The following PTPRD variants were observed in gnomAD, a reference collection of about 807,000 sequenced individuals.
The protein encoded by PTPRD is protein tyrosine phosphatase receptor type D, also known as receptor-type tyrosine-protein phosphatase delta.
In PTPRD, 34 loss-of-function variants were observed where a neutral mutation model predicts 214.5. That is an observed-to-expected ratio of 0.16 (90% CI 0.12 to 0.21). The LOEUF is 0.21. Among genes scored for constraint, PTPRD ranks in the 10% least tolerant of loss-of-function variants. PTPRD has a pLI of 1.00. For synonymous variants in PTPRD, 1,128 were observed against 845.7 expected (o/e 1.33, Z -5.79); for missense variants, 2,545 against 2,398.7 (o/e 1.06, Z -1.27).
At chr9:8,539,294 A>C (rs1383547786) in intron 14 of PTPRD, among the ~76,000 whole-genome samples, 2 of 151,924 alleles carry the variant, frequency 1.3e-5, no homozygotes, top group Non-Finnish European at 2.9e-5. Flanking sequence ...AATGATAGGG[A>C]AAGTCTTAAG....
intron 25 of PTPRD, 34 bp downstream of exon 25, chr9:8,499,613 A>AT: frequency 6.3e-7 from 1 of 1,580,228 alleles, no homozygotes; most frequent in Non-Finnish European, 8.6e-7. Context: ...AACTTATTAT[A>AT]TAAAAACAGA....
In PTPRD at chr9:10,302,310, A is replaced by G. The variant is rs539664484; in HGVS notation, c.-545+38653T>C. On this transcript the variant is annotated intron_variant, in intron 3 of 45. Transcript: ENST00000381196. ...ACAACTGGTACCAGCCACTGCAAAA[A>G]CATACCAAATTGTAAAGACCATCGA... is the stretch of plus-strand genomic sequence containing the variant. 1.4e-4 allele frequency among the ~76,000 whole-genome samples: 21 copies of G among 152,326 alleles called. 1 individual carries two copies. Among genetic ancestry groups the G allele is most frequent in the African/African-American group, 4.8e-4 (20 of 41,574 alleles).
rs114402224 is a variant in PTPRD at position 9,993,596 on chromosome 9, A to G, written c.-472+40122T>C. Reference sequence around the variant, plus strand: ...ATTTTATATATAATTTAGAAACAAAAAATTGCTCTGTGACGCTGGAAGTAA... The same window carrying G: ...ATTTTATATATAATTTAGAAACAAAGAATTGCTCTGTGACGCTGGAAGTAA... On this transcript the variant is annotated intron_variant, in intron 4 of 45. Coordinates refer to ENST00000381196, the MANE Select transcript of PTPRD (RefSeq NM_002839.4). Among the ~76,000 whole-genome samples, 1,274 of 152,250 alleles carry G rather than the reference A, an allele frequency of 8.4e-3. 10 individuals carry two copies. Among genetic ancestry groups the G allele is most frequent in the African/African-American group, 0.028 (1,183 of 41,524 alleles).
intron 2 of PTPRD, among the ~76,000 whole-genome samples, chr9:10,343,994 T>G (rs2097005146): frequency 7.1e-6 from 1 of 140,916 alleles, no homozygotes; most frequent in African/African-American, 2.6e-5. Flanking sequence ...TTTTTTTTTT[T>G]TTTTTTTTTT....
chr9:9,115,515 T>C (rs1162884023), intron 10 of PTPRD, among the ~76,000 whole-genome samples: 4 of 152,188 alleles, frequency 2.6e-5, no homozygotes, highest in African/African-American at 9.6e-5. Flanking sequence ...AGGCAATGCT[T>C]ATACACTGTT....
chr9:8,949,110 G>C (rs1170396880), intron 11 of PTPRD, among the ~76,000 whole-genome samples: 1 of 151,186 alleles, frequency 6.6e-6, no homozygotes, highest in Non-Finnish European at 1.5e-5. Flanking sequence ...TGTAATCCCA[G>C]CTACTCAGGA....
chr9:8,460,517 G>T lies in PTPRD; in HGVS notation c.3769C>A (p.Pro1257Thr). ...TCTTCTTCATCCGTGATTGGCTGCG[G>T]ATCCAGATCCATTGACACCACGGGG... ...SDPVVSMDLD[P>T]QPITDEEEGL... The change falls in exon 33 of 46, where the codon CCG becomes ACG. Residue 1257 changes from proline (P) to threonine (T), a missense_variant. Physicochemically the swap from Pro to Thr is conservative, Grantham distance 38. Coordinates refer to ENST00000381196, the MANE Select transcript of PTPRD (RefSeq NM_002839.4). The T allele has an allele frequency of 6.2e-7, 1 of 1,613,520 alleles. No individual in the cohort carries two copies. The highest frequency in any genetic ancestry group is 8.5e-7 in the Non-Finnish European group (1 of 1,179,632).
chr9:8,786,279 T>A (rs571060109), intron 11 of PTPRD, among the ~76,000 whole-genome samples: 1 of 152,070 alleles, frequency 6.6e-6, no homozygotes, highest in Non-Finnish European at 1.5e-5. Flanking sequence ...TTTAATCCTA[T>A]AAATTCAACT....
intron 21 of PTPRD, among the ~76,000 whole-genome samples, chr9:8,513,493 A>G (rs1453550491): frequency 6.6e-6 from 1 of 152,108 alleles, no homozygotes; most frequent in African/African-American, 2.4e-5. Context: ...AATAAAATTA[A>G]ATGAGTACCT....
chr9:9,676,170 C>G (rs928673700), intron 7 of PTPRD, among the ~76,000 whole-genome samples: 11 of 151,918 alleles, frequency 7.2e-5, no homozygotes, highest in African/African-American at 2.4e-4. Context: ...TACATGTGCA[C>G]AACGTGCAGG....
intron 8 of PTPRD, among the ~76,000 whole-genome samples, chr9:9,444,704 T>C (rs2089725954): frequency 6.6e-6 from 1 of 152,196 alleles, no homozygotes; most frequent in Non-Finnish European, 1.5e-5. Flanking sequence ...ACCTTTTCCC[T>C]TTCTTCATAC....
At chr9:8,555,074 T>A (rs2083334022) in intron 14 of PTPRD, among the ~76,000 whole-genome samples, 2 of 152,192 alleles carry the variant, frequency 1.3e-5, no homozygotes, top group South Asian at 4.1e-4. Flanking sequence ...TTTCTTCTAT[T>A]ATAATTTACT....
intron 9 of PTPRD, among the ~76,000 whole-genome samples, chr9:9,273,969 C>T (rs148199727): frequency 2.0e-5 from 3 of 151,272 alleles, no homozygotes; most frequent in African/African-American, 4.8e-5. Flanking sequence ...TGTAATCAAC[C>T]TATTTTTTTC....
Position 8,623,887 on chromosome 9 carries a change from CA to C in PTPRD, c.352+9429del, listed in dbSNP as rs998436001. Among the ~76,000 whole-genome samples the C allele has an allele frequency of 7.6e-4, 115 of 151,786 alleles. 1 individual carries two copies. Among genetic ancestry groups the C allele is most frequent in the African/African-American group, 2.7e-3 (113 of 41,444 alleles). On this transcript the variant is annotated intron_variant, in intron 14 of 45. Coordinates refer to ENST00000381196, the MANE Select transcript of PTPRD (RefSeq NM_002839.4). ...CACCAAGGTTGGTAACAGAAATAAT[CA>C]AAAAAACAAAACAAACGAATAAACG...
intron 9 of PTPRD, among the ~76,000 whole-genome samples, chr9:9,291,794 T>A (rs1213496785): frequency 1.4e-5 from 1 of 70,888 alleles, no homozygotes; most frequent in Non-Finnish European, 3.1e-5. Flanking sequence ...ATATTTTCTC[T>A]CTTTTTTTAG....
At chr9:10,454,287 AC>A (rs2098886481) in intron 2 of PTPRD, among the ~76,000 whole-genome samples, 1 of 151,458 alleles carries the variant, frequency 6.6e-6, no homozygotes, top group African/African-American at 2.4e-5. Flanking sequence ...AGATATAACT[AC>A]CCTTCTCTAT....
At chr9:10,238,340 A>G (rs909910246) in intron 3 of PTPRD, among the ~76,000 whole-genome samples, 2 of 151,820 alleles carry the variant, frequency 1.3e-5, no homozygotes, top group African/African-American at 4.8e-5. Context: ...CCCCACCACC[A>G]TCTCTTACCA....
chr9:10,027,786 T>A lies in PTPRD; in HGVS notation c.-472+5932A>T, dbSNP rs561634636. 7.9e-5 allele frequency among the ~76,000 whole-genome samples: 12 copies of A among 152,312 alleles called. No individual in the cohort carries two copies. The South Asian group carries it at 1.4e-3, about 18-fold the overall frequency. On this transcript the variant is annotated intron_variant, in intron 4 of 45. Coordinates refer to ENST00000381196, the MANE Select transcript of PTPRD (RefSeq NM_002839.4). Reference sequence around the variant, plus strand: ...AAATAAAATCATACAGATTGAAGTTTCCAGTAAAAGGCATTGAACTAAATG... The same window carrying A: ...AAATAAAATCATACAGATTGAAGTTACCAGTAAAAGGCATTGAACTAAATG...
chr9:9,494,603 C>T (rs2096083844), intron 8 of PTPRD, among the ~76,000 whole-genome samples: 1 of 152,182 alleles, frequency 6.6e-6, no homozygotes, highest in African/African-American at 2.4e-5. Context: ...AAATAAAATA[C>T]TTGGGAATCA....
Sources: gnomAD v4.1 joint callset for allele counts (sites outside exome capture counted in the v4.1 genomes callset) on GRCh38, gnomAD v4.1.1 for gene constraint, MANE v1.5 for transcripts, NCBI Gene and HGNC (gene_info 2026-07-23, HGNC 2026-07-21) for gene names.